ARHGAP22: variants seen among roughly 807,000 people sequenced by gnomAD.
The protein encoded by ARHGAP22 is rho GTPase-activating protein 22.
Under a neutral mutation model 59.1 loss-of-function variants are expected in ARHGAP22, and 48 were observed. That is an observed-to-expected ratio of 0.81 (90% confidence interval 0.64 to 1.03). The LOEUF is 1.03. Ranked by LOEUF, ARHGAP22 falls within the 50% of genes least tolerant of loss-of-function variation. The pLI is 0.00. For missense variants in ARHGAP22, 1,015 were observed against 958.7 expected (o/e 1.06, Z -0.78); for synonymous variants, 445 against 416.4 (o/e 1.07, Z -0.84).
chr10:48,499,578 T>C (rs1331520028), intron 3 of ARHGAP22, among the ~76,000 whole-genome samples: 3 of 152,206 alleles, frequency 2.0e-5, no homozygotes, highest in Non-Finnish European at 2.9e-5. Flanking sequence ...GCCCCTGGTA[T>C]AGAGCATTTC....
At chr10:48,440,614 G>C in the ARHGAP22 span, among the ~76,000 whole-genome samples, 1 of 152,188 alleles carries the variant, frequency 6.6e-6, no homozygotes, top group Non-Finnish European at 1.5e-5. Context: ...GCCTGGCATG[G>C]GTGTAGGTAC....
upstream of ARHGAP22, chr10:48,605,155 G>GAGAGGGGCGGGGCCAGCC (rs2060615263): frequency 3.5e-6 from 4 of 1,159,254 alleles, no homozygotes; most frequent in African/African-American, 4.8e-5. Context: ...GGGCGGGGCC[G>GAGAGGGGCGGGGCCAGCC]AGAGGGGCGG....
chr10:48,526,693 C>T (rs1274177522), intron 3 of ARHGAP22, among the ~76,000 whole-genome samples: 2 of 152,186 alleles, frequency 1.3e-5, no homozygotes, highest in East Asian at 1.9e-4. Flanking sequence ...AACATCACAG[C>T]GGCCATTGTG....
intron 3 of ARHGAP22, among the ~76,000 whole-genome samples, chr10:48,507,883 G>A (rs2052308824): frequency 7.1e-6 from 1 of 141,254 alleles, no homozygotes. Context: ...GTGAGCAACT[G>A]AGGCTCGGAA....
At chr10:48,466,091 G>T (rs1158934282) in intron 4 of ARHGAP22, among the ~76,000 whole-genome samples, 2 of 152,074 alleles carry the variant, frequency 1.3e-5, no homozygotes, top group African/African-American at 4.8e-5. Context: ...AGCTCACCTG[G>T]AAGGGTCCTG....
intron 8 of ARHGAP22, chr10:48,451,715 C>CCA (rs149120007): frequency 4.3e-5 from 26 of 609,826 alleles, no homozygotes; most frequent in African/African-American, 9.6e-5. Context: ...CCCCAAAGTC[C>CCA]CACACACACA....
chr10:48,452,781 C>A (rs1344330423), intron 8 of ARHGAP22, among the ~76,000 whole-genome samples: 1 of 152,216 alleles, frequency 6.6e-6, no homozygotes, highest in Non-Finnish European at 1.5e-5. Context: ...TACCACAGCA[C>A]AGGCTGGTTG....
intron 3 of ARHGAP22, among the ~76,000 whole-genome samples, chr10:48,540,020 C>T (rs955455214): frequency 2.6e-5 from 4 of 152,166 alleles, no homozygotes; most frequent in Non-Finnish European, 4.4e-5. Context: ...TTCTGTGACT[C>T]GCTCTGGACC....
At chr10:48,646,460 A>T (rs777563223) in intron 1 of ARHGAP22, among the ~76,000 whole-genome samples, 8 of 152,244 alleles carry the variant, frequency 5.3e-5, no homozygotes, top group Non-Finnish European at 7.3e-5. Context: ...TCAAGATAGT[A>T]TGGTATAGGC....
intron 3 of ARHGAP22, among the ~76,000 whole-genome samples, chr10:48,498,928 C>T (rs181505708): frequency 2.0e-5 from 3 of 152,218 alleles, no homozygotes; most frequent in Admixed American, 1.3e-4. Flanking sequence ...CCACCGAGAC[C>T]CAAGGGGAGC....
intron 1 of ARHGAP22, among the ~76,000 whole-genome samples, chr10:48,639,988 A>C (rs1241033911): frequency 6.6e-6 from 1 of 152,252 alleles, no homozygotes; most frequent in Non-Finnish European, 1.5e-5. Flanking sequence ...ATAGGACAAT[A>C]ATAAATCAAT....
chr10:48,498,537 C>T (rs896635852), intron 3 of ARHGAP22, among the ~76,000 whole-genome samples: 1 of 152,166 alleles, frequency 6.6e-6, no homozygotes, highest in Non-Finnish European at 1.5e-5. Flanking sequence ...AGCAGTGGCC[C>T]CGCTGCAGCC....
chr10:48,546,275 A>G lies in ARHGAP22; in HGVS notation c.322+9188T>C, dbSNP rs1488504882. On this transcript the variant is annotated intron_variant, in intron 3 of 9. Coordinates refer to ENST00000249601, the MANE Select transcript of ARHGAP22 (RefSeq NM_021226.4). ...ACATTGGTGGAGATGAGCATCAGAC[A>G]TTACAGTTCTTGTAAGCCCCTCAGT... Among the ~76,000 whole-genome samples, 8 of 152,360 alleles carry G rather than the reference A, an allele frequency of 5.3e-5. No individual in the cohort carries two copies. The South Asian group carries it at 1.0e-3, about 20-fold the overall frequency.
chr10:48,443,366 GTATC>G (rs1423273206), downstream of ARHGAP22, among the ~76,000 whole-genome samples: 1 of 152,176 alleles, frequency 6.6e-6, no homozygotes, highest in African/African-American at 2.4e-5. Flanking sequence ...GGCCCTCAGA[GTATC>G]TGGCCCCTGC....
At chr10:48,455,227 G>A in intron 5 of ARHGAP22, 93 bp from the exon 6 acceptor site, 2 of 1,401,354 alleles carry the variant, frequency 1.4e-6, no homozygotes, top group African/African-American at 1.4e-5. Flanking sequence ...GGCAGCCTCT[G>A]GTCTCAGGTG....
the ARHGAP22 span, among the ~76,000 whole-genome samples, chr10:48,440,327 TTTAC>T: frequency 2.6e-4 from 39 of 152,352 alleles, 1 homozygote; most frequent in South Asian, 7.9e-3. Context: ...TAACATGTAC[TTTAC>T]TTAATTTCAT....
intron 2 of ARHGAP22, among the ~76,000 whole-genome samples, chr10:48,564,652 C>T (rs17660982): frequency 0.018 from 2,728 of 152,318 alleles, 40 homozygotes; most frequent in Non-Finnish European, 0.025. Flanking sequence ...TCATACTCTC[C>T]GACCTCATGT....
At chr10:48,535,403 GTCC>G (rs2055248114) in intron 3 of ARHGAP22, among the ~76,000 whole-genome samples, 1 of 152,234 alleles carries the variant, frequency 6.6e-6, no homozygotes. Context: ...GGACCTCAGT[GTCC>G]TCCTCTGAAT....
At chr10:48,654,773 ACTTTCTTTCTTTCTTTCTTT>A (rs201340687), upstream of ARHGAP22, among the ~76,000 whole-genome samples, 159 of 112,348 alleles carry the variant, frequency 1.4e-3, 1 homozygote, top group Admixed American at 3.9e-3. Context: ...CATGCTGATT[ACTTTCTTTCTTTCTTTCTTT>A]CTTTCTTTCT....
Sources: gnomAD v4.1 joint callset for allele counts (sites outside exome capture counted in the v4.1 genomes callset) on GRCh38, gnomAD v4.1.1 for gene constraint, MANE v1.5 for transcripts, NCBI Gene and HGNC (gene_info 2026-07-23, HGNC 2026-07-21) for gene names.